DGKI: variants seen among roughly 807,000 people sequenced by gnomAD.
DGKI encodes DAG kinase iota.
Under a neutral mutation model 147.5 loss-of-function variants are expected in DGKI, and 55 were observed. The ratio of observed to expected loss-of-function variants is 0.37; its 90% confidence interval spans 0.30 to 0.47. The LOEUF is 0.47. Among genes scored for constraint, DGKI ranks in the 20% least tolerant of loss-of-function variants. DGKI has a pLI of 1.00. For missense variants in DGKI, 1,007 were observed against 1,323.8 expected, an observed-to-expected ratio of 0.76 and a Z score of 3.71; for synonymous variants, 469 against 477.1, an observed-to-expected ratio of 0.98 and a Z score of 0.22.
intron 1 of DGKI, among the ~76,000 whole-genome samples, chr7:137,715,934 C>T (rs558488905): frequency 6.6e-6 from 1 of 152,226 alleles, no homozygotes; most frequent in South Asian, 2.1e-4. Context: ...GAAAGCAGAG[C>T]GAAGCCCCAG....
At chr7:137,500,824 T>C (rs1816145625) in intron 21 of DGKI, among the ~76,000 whole-genome samples, 2 of 152,166 alleles carry the variant, frequency 1.3e-5, no homozygotes, top group African/African-American at 4.8e-5. Context: ...CAAACCAGGG[T>C]AATTAAGCAA....
chr7:137,415,797 T>C (rs1043435101), intron 28 of DGKI, among the ~76,000 whole-genome samples: 6 of 152,066 alleles, frequency 3.9e-5, no homozygotes, highest in Non-Finnish European at 8.8e-5. Flanking sequence ...CTGGCCAAGA[T>C]GGTGAAACCC....
At chr7:137,777,079 G>A (rs1056317324) in intron 1 of DGKI, among the ~76,000 whole-genome samples, 8 of 151,946 alleles carry the variant, frequency 5.3e-5, no homozygotes, top group African/African-American at 1.9e-4. Flanking sequence ...TGTAGTCCTA[G>A]CTAACCAGGA....
At chr7:137,601,545 A>AGT (rs1563106317) in intron 10 of DGKI, among the ~76,000 whole-genome samples, 1 of 152,244 alleles carries the variant, frequency 6.6e-6, no homozygotes, top group Non-Finnish European at 1.5e-5. Flanking sequence ...AACTAACTTC[A>AGT]GTGTTCTGAG....
chr7:137,553,068 A>G (rs1475475455), intron 19 of DGKI, among the ~76,000 whole-genome samples: 1 of 152,192 alleles, frequency 6.6e-6, no homozygotes, highest in Non-Finnish European at 1.5e-5. Context: ...AATATTCACA[A>G]TTTTGACGAG....
At chr7:137,418,716 C>G (rs1812450288) in intron 28 of DGKI, among the ~76,000 whole-genome samples, 1 of 151,960 alleles carries the variant, frequency 6.6e-6, no homozygotes, top group Non-Finnish European at 1.5e-5. Context: ...TCAGCTAACT[C>G]TTTTTTTCCA....
At chr7:137,576,089 A>AGTGCAGT (rs1002643405) in intron 17 of DGKI, among the ~76,000 whole-genome samples, 2 of 141,012 alleles carry the variant, frequency 1.4e-5, no homozygotes, top group African/African-American at 5.6e-5. Flanking sequence ...CCCAGGCTGG[A>AGTGCAGT]GTGCAGTGGT....
chr7:137,775,650 A>G (rs73462668), intron 1 of DGKI, among the ~76,000 whole-genome samples: 2,388 of 152,346 alleles, frequency 0.016, 66 homozygotes, highest in African/African-American at 0.054. Context: ...CTATAAGTCT[A>G]TCTTACAAAA....
rs753368738 is a variant in DGKI, at chr7:137,519,370, G to A, written c.2248+2496C>T. Among the ~76,000 whole-genome samples, 128 of 152,124 alleles carry A rather than the reference G, an allele frequency of 8.4e-4. 3 individuals are homozygous for A. Among genetic ancestry groups the A allele is most frequent in the Middle Eastern group, 6.8e-3 (2 of 294 alleles). On this transcript the variant is annotated intron_variant, in intron 21 of 32. Transcript: ENST00000614521. ...AATGAGCAAGATTCTGCTAAACAGT[G>A]ATGGAAAAGAACCACATGCTGCCTG...
chr7:137,534,259 T>C lies in DGKI; in HGVS notation c.2148-12293A>G, dbSNP rs537009213. 4.6e-5 allele frequency among the ~76,000 whole-genome samples: 7 copies of C among 152,208 alleles called. No homozygotes were observed. The East Asian group carries it at 7.7e-4, about 17-fold the overall frequency. On this transcript the variant is annotated intron_variant, in intron 20 of 32. Coordinates refer to ENST00000614521, the MANE Select transcript of DGKI (RefSeq NM_001321708.2). Reference sequence around the variant, plus strand: ...TAGTACTGGAGTAAAAGTTGAAATGTCTCTTTTTCCTTCCTGAATGCAGTA... The same window carrying C: ...TAGTACTGGAGTAAAAGTTGAAATGCCTCTTTTTCCTTCCTGAATGCAGTA...
intron 19 of DGKI, among the ~76,000 whole-genome samples, chr7:137,556,590 C>T (rs1818231884): frequency 1.3e-5 from 2 of 152,000 alleles, no homozygotes; most frequent in South Asian, 4.2e-4. Context: ...ATATAAAATG[C>T]CATTTACAAT....
At chr7:137,756,912 G>A (rs1201498421) in intron 1 of DGKI, among the ~76,000 whole-genome samples, 2 of 152,082 alleles carry the variant, frequency 1.3e-5, no homozygotes, top group Non-Finnish European at 2.9e-5. Flanking sequence ...TTCTCATCCA[G>A]ATATATTTAT....
intron 27 of DGKI, among the ~76,000 whole-genome samples, chr7:137,449,682 C>T (rs756142402): frequency 2.0e-5 from 3 of 152,092 alleles, no homozygotes; most frequent in Non-Finnish European, 2.9e-5. Flanking sequence ...AAACAATCAC[C>T]AGAGCAAAGA....
At chr7:137,773,868 C>G (rs558370482) in intron 1 of DGKI, among the ~76,000 whole-genome samples, 49 of 152,250 alleles carry the variant, frequency 3.2e-4, no homozygotes, top group African/African-American at 1.2e-3. Context: ...AGCTATATAG[C>G]CTGCTAAGGG....
At chr7:137,837,504 C>T (rs543388895) in intron 1 of DGKI, among the ~76,000 whole-genome samples, 23 of 152,304 alleles carry the variant, frequency 1.5e-4, no homozygotes, top group African/African-American at 4.3e-4. Context: ...CCAAAAGTCA[C>T]ATGTTGAAAT....
chr7:137,831,049 T>G (rs1020103513), intron 1 of DGKI, among the ~76,000 whole-genome samples: 1 of 152,186 alleles, frequency 6.6e-6, no homozygotes, highest in Non-Finnish European at 1.5e-5. Context: ...TATTAAGTAT[T>G]CACTAAATGA....
rs189768745 is a variant in DGKI, at chr7:137,736,594, G to A, written c.402-46592C>T. On this transcript the variant is annotated intron_variant, in intron 1 of 32. Transcript: ENST00000614521. ...CAACACTTACAACCTTTTAATACGA[G>A]AAGGTCAAACAACCACCCCACAAAT... 3.3e-4 allele frequency among the ~76,000 whole-genome samples: 50 copies of A among 152,176 alleles called. 1 individual carries two copies. The East Asian group carries it at 9.1e-3, about 28-fold the overall frequency.
chr7:137,677,515 C>T (rs146824707), intron 3 of DGKI, among the ~76,000 whole-genome samples: 104 of 152,274 alleles, frequency 6.8e-4, no homozygotes, highest in African/African-American at 1.9e-3. Context: ...GGAGTTAAAA[C>T]AGCTAAAGCA....
intron 6 of DGKI, among the ~76,000 whole-genome samples, chr7:137,624,982 A>G (rs1444103115): frequency 5.3e-5 from 8 of 152,150 alleles, no homozygotes; most frequent in Admixed American, 2.6e-4. Flanking sequence ...GTGGACAGAC[A>G]ACCAGGACTG....
Sources: allele counts gnomAD v4.1 joint callset (sites outside exome capture counted in the v4.1 genomes callset), GRCh38; gene constraint gnomAD v4.1.1; transcripts MANE v1.5; gene names NCBI Gene and HGNC (gene_info 2026-07-23, HGNC 2026-07-21).